MOGS: variants seen among roughly 807,000 people sequenced by gnomAD.
MOGS encodes the protein mannosyl-oligosaccharide glucosidase.
In MOGS, 45 loss-of-function variants were observed where a neutral mutation model predicts 68.5. The observed-to-expected ratio is 0.66, with a 90% CI of 0.52 to 0.84. The LOEUF (loss-of-function observed/expected upper bound fraction) is 0.84. MOGS is among the 40% of genes least tolerant of loss of function. The pLI is 0.00. For missense variants in MOGS, 1,020 were observed against 1,095.0 expected, an observed-to-expected ratio of 0.93 and a Z score of 0.97; for synonymous variants, 492 against 461.2, an observed-to-expected ratio of 1.07 and a Z score of -0.86.
At position 74,465,138 on chromosome 2, in the gene MOGS, G is replaced by A. The variant is rs984549045; in HGVS notation, c.110C>T (p.Pro37Leu). 3 of 1,533,076 alleles carry A rather than the reference G, an allele frequency of 2.0e-6. No individual in the cohort carries two copies. Among genetic ancestry groups the A allele is most frequent in the Admixed American group, 2.0e-5 (1 of 50,742 alleles). 95.0% of individuals were successfully genotyped at this position (1,533,076 alleles called of 1,614,324 possible). A position where few individuals can be genotyped will look rare whatever the true frequency, so the allele number is the denominator to read the frequency against. The stretch of plus-strand genomic sequence containing the variant: ...AGCCACTCCTCCAGCCGTGCTACGC[G>A]GCCCGCCGCCCCGGCCGTCCCGTCG... Reference protein sequence around the residue: ...PGRRDGRGGGPRSTAGGVALA... With the variant: ...PGRRDGRGGGLRSTAGGVALA... Residue 37 changes from proline (P) to leucine (L), a missense_variant, in exon 1 of 4, where the codon CCG (proline) becomes CTG (leucine). Coordinates refer to ENST00000448666, the MANE Select transcript of MOGS (RefSeq NM_006302.3).
At position 74,461,406 on chromosome 2, in the gene MOGS, C is replaced by T; in HGVS notation, c.2383G>A (p.Val795Ile). The T allele has an allele frequency of 6.2e-7, 1 of 1,614,234 alleles. No homozygotes were observed. Among genetic ancestry groups the T allele is most frequent in the Non-Finnish European group, 8.5e-7 (1 of 1,180,054 alleles). The change falls in exon 4 of 4, where the codon GTA (valine) becomes ATA (isoleucine). Residue 795 changes from valine (V) to isoleucine (I), a missense_variant. Physicochemically the swap from Val to Ile is conservative, Grantham distance 29. Coordinates refer to ENST00000448666, the MANE Select transcript of MOGS (RefSeq NM_006302.3). ...CCTGTAGCCTGGTACTGGCGCCATA[C>T]ATTGCCTACCACGTTGGCACGGAGC... is the stretch of plus-strand genomic sequence containing the variant. ...GELRANVVGN[V>I]WRQYQATGFL...
Position 74,462,306 on chromosome 2 carries a change from G to C in MOGS, c.1483C>G (p.Arg495Gly). 1 of 1,613,830 alleles carries C rather than the reference G, an allele frequency of 6.2e-7. No individual in the cohort carries two copies. Among genetic ancestry groups the C allele is most frequent in the Non-Finnish European group, 8.5e-7 (1 of 1,180,018 alleles). ...AGGAATTCTGGAGGCACCCGGGCTC[G>C]GGCCTCATCCCCCAGTATCTGCTCC... ...GREQILGDEA[R>G]ARVPPEFLVQ... The change falls in exon 4 of 4, where the codon CGA (arginine) becomes GGA (glycine). Residue 495 changes from arginine to glycine, a missense_variant. Around this residue, in one of 3 missense-constraint regions of MOGS, gnomAD observed 181 missense variants for 261.8 expected, o/e 0.69. Transcript: ENST00000448666.
In MOGS at chr2:74,462,012, C is replaced by T; in HGVS notation, c.1777G>A (p.Val593Ile). The change falls in exon 4 of 4, where the codon GTA becomes ATA. Residue 593 changes from valine (V) to isoleucine (I), a missense_variant. Transcript: ENST00000448666. The stretch of plus-strand genomic sequence containing the variant: ...CGCAGGTCCAGGTGCCGCTCGGTTA[C>T]TGAAGGGTGTGAAGCCCGGGGGTAG... ...DDYPRASHPS[V>I]TERHLDLRCW... The T allele has an allele frequency of 1.2e-6, 2 of 1,614,218 alleles. No homozygotes were observed. Among genetic ancestry groups the T allele is most frequent in the Non-Finnish European group, 1.7e-6 (2 of 1,180,026 alleles).
In MOGS at chr2:74,461,690, C is replaced by G. The variant is rs771226355; in HGVS notation, c.2099G>C (p.Arg700Pro). ...GCGGGATGAGGTGGGGTCCAGCAGT[C>G]GCAGCAGCAAGGGAAAAAGACTGAC... ...GYVSLFPLLL[R>P]LLDPTSSRLG... is the part of the protein sequence containing the mutation. Residue 700 changes from arginine (R) to proline (P), a missense_variant, in exon 4 of 4, where the codon CGA becomes CCA. Coordinates refer to ENST00000448666, the MANE Select transcript of MOGS (RefSeq NM_006302.3). 1 of 1,614,180 alleles carries G rather than the reference C, an allele frequency of 6.2e-7. No individual in the cohort carries two copies. Among genetic ancestry groups the G allele is most frequent in the Non-Finnish European group, 8.5e-7 (1 of 1,180,030 alleles).
Position 74,462,496 on chromosome 2 carries a change from G to A in MOGS, c.1293C>T (p.Pro431=), listed in dbSNP as rs905902828. ...EQKVDPALFP[P]VPLFTAVPSR... ...AGGGCACTGCTGTAAAAAGAGGTAC[G>A]GGTGGAAAGAGGGCTGGGTCCACCT... The change falls in exon 4 of 4, where the codon CCC becomes CCT. Residue 431 remains proline (P), a synonymous_variant. Transcript: ENST00000448666. 18 of 1,608,212 alleles carry A rather than the reference G, an allele frequency of 1.1e-5. No individual in the cohort carries two copies. Among genetic ancestry groups the A allele is most frequent in the African/African-American group, 8.0e-5 (6 of 74,704 alleles).
Position 74,463,395 on chromosome 2 carries a change from C to G in MOGS, c.580-9G>C. 6.2e-7 allele frequency: 1 copy of G among 1,613,036 alleles called. No homozygotes were observed. Among genetic ancestry groups the G allele is most frequent in the South Asian group, 1.1e-5 (1 of 91,058 alleles). Reference sequence around the variant, plus strand: ...GCAGAAGTACCTGAGTCCTGAGTGACCAACGAGGACAGAAAAGAACAGTGT... The same window carrying G: ...GCAGAAGTACCTGAGTCCTGAGTGAGCAACGAGGACAGAAAAGAACAGTGT... On this transcript the variant is annotated splice_polypyrimidine_tract_variant and intron_variant, in intron 2 of 3. Transcript: ENST00000448666.
chr2:74,463,999 G>T (rs1311596304), intron 2 of MOGS, among the ~76,000 whole-genome samples: 5 of 145,650 alleles, frequency 3.4e-5, no homozygotes, highest in African/African-American at 1.3e-4. Context: ...TGCTCTTGTT[G>T]CCCAGGCTGG....
At chr2:74,463,154 C>T (rs1035637772) in intron 3 of MOGS, 36 bp downstream of exon 3, 3 of 1,612,778 alleles carry the variant, frequency 1.9e-6, no homozygotes, top group Middle Eastern at 1.8e-4. Flanking sequence ...GAATAACCAC[C>T]CCTTCCATCC....
Position 74,463,402 on chromosome 2 carries a change from G to T in MOGS, c.580-16C>A, listed in dbSNP as rs747887190. On this transcript the variant is annotated splice_polypyrimidine_tract_variant and intron_variant, in intron 2 of 3. Transcript: ENST00000448666. Reference sequence around the variant, plus strand: ...TACCTGAGTCCTGAGTGACCAACGAGGACAGAAAAGAACAGTGTTAGATTG... The same window carrying T: ...TACCTGAGTCCTGAGTGACCAACGATGACAGAAAAGAACAGTGTTAGATTG... The T allele has an allele frequency of 5.0e-6, 8 of 1,611,190 alleles. No individual in the cohort carries two copies. The Middle Eastern group carries it at 6.6e-4, about 132-fold the overall frequency.
At chr2:74,464,339 A>T in intron 2 of MOGS, 157 bp downstream of exon 2, 2 of 644,566 alleles carry the variant, frequency 3.1e-6, no homozygotes, top group Admixed American at 2.7e-5. Flanking sequence ...CAAGGAAATC[A>T]AGGCTTAGAG....
intron 2 of MOGS, 47 bp from the exon 3 acceptor site, chr2:74,463,433 C>A: frequency 1.3e-6 from 2 of 1,581,124 alleles, no homozygotes; most frequent in South Asian, 2.2e-5. Context: ...GATTGGCATT[C>A]TCTCTTGAAT....
At position 74,464,678 on chromosome 2, in the gene MOGS, G is replaced by C; in HGVS notation, c.397C>G (p.Leu133Val). 6.2e-7 allele frequency: 1 copy of C among 1,613,914 alleles called. No homozygotes were observed. Among genetic ancestry groups the C allele is most frequent in the Admixed American group, 1.7e-5 (1 of 60,032 alleles). The change falls in exon 2 of 4, where the codon CTC becomes GTC. Residue 133 changes from leucine (L) to valine (V), a missense_variant. This residue lies in a region of MOGS where 569 missense variants were observed against 571.9 expected (regional missense o/e 0.99). Coordinates refer to ENST00000448666, the MANE Select transcript of MOGS (RefSeq NM_006302.3). ...QQGTTPGTPKLRHTCEQGDGV... is the reference protein window; with the variant it reads ...QQGTTPGTPKVRHTCEQGDGV... ...TCCCCCTGCTCACACGTGTGCCTGA[G>C]CTTAGGAGTCCCCGGGGTGGTGCCC...
At chr2:74,463,509 C>G (rs535705926) in intron 2 of MOGS, 123 bp from the exon 3 acceptor site, 60 of 1,032,988 alleles carry the variant, frequency 5.8e-5, no homozygotes, top group Non-Finnish European at 8.6e-5. Context: ...AAACAACATA[C>G]GTCTGGCAGT....
In MOGS at chr2:74,461,453, C is replaced by A. The variant is rs774648411; in HGVS notation, c.2336G>T (p.Arg779Leu). The change falls in exon 4 of 4, where the codon CGG (arginine) becomes CTG (leucine). Residue 779 changes from arginine to leucine, a missense_variant. This residue lies in a region of MOGS where 270 missense variants were observed against 261.3 expected (regional missense o/e 1.03). Transcript: ENST00000448666. ...GAGCTCACCGTGGAGTTTGGCAGCC[C>A]GAGCCTGGTGAGGACCCTCCAGATG... is the stretch of plus-strand genomic sequence containing the variant. Reference protein sequence around the residue: ...YGHLEGPHQARAAKLHGELRA... With the variant: ...YGHLEGPHQALAAKLHGELRA... 1.2e-6 allele frequency: 2 copies of A among 1,614,176 alleles called. No individual in the cohort carries two copies. Among genetic ancestry groups the A allele is most frequent in the Admixed American group, 3.3e-5 (2 of 60,032 alleles).
intron 2 of MOGS, among the ~76,000 whole-genome samples, chr2:74,464,064 A>T (rs1282474502): frequency 6.6e-6 from 1 of 151,306 alleles, no homozygotes; most frequent in Non-Finnish European, 1.5e-5. Context: ...GGTTCAAGCA[A>T]TTCTCCTGCC....
In MOGS at chr2:74,462,251, G is replaced by T. The variant is rs765918921; in HGVS notation, c.1538C>A (p.Pro513Gln). The change falls in exon 4 of 4, where the codon CCA becomes CAA. Residue 513 changes from proline (P) to glutamine (Q), a missense_variant. Physicochemically the swap from Pro to Gln is moderately conservative, Grantham distance 76 (BLOSUM62 -1). This residue lies in a region of MOGS where 181 missense variants were observed against 261.8 expected (regional missense o/e 0.69). Transcript: ENST00000448666. ...ATGGGCTACAGGCAAAAGTAGGGTTGGGGGGTTGGCGTGGACTGCTCGTTG... is the reference window on the plus strand; with the variant it reads ...ATGGGCTACAGGCAAAAGTAGGGTTTGGGGGTTGGCGTGGACTGCTCGTTG... ...LVQRAVHANPPTLLLPVAHML... is the reference protein window; with the variant it reads ...LVQRAVHANPQTLLLPVAHML... 2 of 1,614,056 alleles carry T rather than the reference G, an allele frequency of 1.2e-6. No homozygotes were observed. The highest frequency in any genetic ancestry group is 8.5e-7 in the Non-Finnish European group (1 of 1,180,030).
intron 2 of MOGS, 168 bp downstream of exon 2, chr2:74,464,328 G>A (rs887307945): frequency 3.2e-6 from 2 of 628,100 alleles, no homozygotes; most frequent in Non-Finnish European, 5.6e-6. Flanking sequence ...CATTTTACAA[G>A]CAAGGAAATC....
rs574457680 is a variant in MOGS, at chr2:74,462,570, C to T, written c.1219G>A (p.Gly407Arg). Residue 407 changes from glycine to arginine, a missense_variant, in exon 4 of 4, where the codon GGA becomes AGA. Around this residue, in one of 3 missense-constraint regions of MOGS, gnomAD observed 569 missense variants for 571.9 expected, o/e 0.99. Coordinates refer to ENST00000448666, the MANE Select transcript of MOGS (RefSeq NM_006302.3). ...GLLGGIGYFY[G>R]QGLVLPDIGV... ...ATGTCTGGCAATACCAGCCCTTGTC[C>T]GTAGAAGTAGCCAATTCCACCAAGG... The T allele has an allele frequency of 9.9e-6, 16 of 1,613,382 alleles. No individual in the cohort carries two copies. The highest frequency in any genetic ancestry group is 5.5e-5 in the South Asian group (5 of 91,066).
chr2:74,463,231 CA>C lies in MOGS; in HGVS notation c.734del (p.Leu245CysfsTer29). On this transcript the variant is annotated frameshift_variant, in exon 3 of 4. Coordinates refer to ENST00000448666, the MANE Select transcript of MOGS (RefSeq NM_006302.3). LOFTEE classifies it high-confidence loss of function. The stretch of plus-strand genomic sequence containing the variant: ...CTGTATCCCCTGGACTGGTTGGTGG[CA>C]AAAGTGTAAAGCGGAAGTCACCAAG... ...SELGDFRFTL[L>X]PPTSPGDTAP... 1 of 1,614,138 alleles carries C rather than the reference CA, an allele frequency of 6.2e-7. No individual in the cohort carries two copies. Among genetic ancestry groups the C allele is most frequent in the South Asian group, 1.1e-5 (1 of 91,086 alleles).
Sources: allele counts gnomAD v4.1 joint callset (sites outside exome capture counted in the v4.1 genomes callset), GRCh38; gene constraint gnomAD v4.1.1; regional missense constraint gnomAD v4.1.1; transcripts MANE v1.5; gene names NCBI Gene and HGNC (gene_info 2026-07-23, HGNC 2026-07-21).